The following RASA1 variants were observed in gnomAD, a reference collection of about 807,000 sequenced individuals.
RASA1 encodes the protein RAS p21 protein activator 1, also known as ras GTPase-activating protein 1.
In RASA1, 25 loss-of-function variants were observed where a neutral mutation model predicts 132.2. The observed-to-expected ratio is 0.19, with a 90% confidence interval of 0.14 to 0.26. The LOEUF is 0.26. Ranked by LOEUF, RASA1 falls within the 10% of genes least tolerant of loss-of-function variation. The pLI, the probability that RASA1 is intolerant of heterozygous loss-of-function variation, is 1.00. For synonymous variants in RASA1, 477 were observed against 449.9 expected (o/e 1.06, Z -0.76); for missense variants, 964 against 1,299.2 (o/e 0.74, Z 3.97).
intron 20 of RASA1, 30 bp from the exon 21 acceptor site, chr5:87,383,678 TAAAAA>T: frequency 1.5e-6 from 2 of 1,319,614 alleles, no homozygotes; most frequent in African/African-American, 1.6e-5. Context: ...AGGTGTTTTC[TAAAAA>T]AAAAAAAAAA....
chr5:87,295,543 G>A (rs976739947), intron 1 of RASA1, among the ~76,000 whole-genome samples: 2 of 151,332 alleles, frequency 1.3e-5, no homozygotes, highest in African/African-American at 4.9e-5. Flanking sequence ...TTGAGACACT[G>A]TATCACCCAG....
chr5:87,386,975 G>T, intron 23 of RASA1, 72 bp downstream of exon 23: 1 of 1,331,428 alleles, frequency 7.5e-7, no homozygotes, highest in Non-Finnish European at 1.1e-6. Context: ...CATTTAAGCA[G>T]CAATCTTTAG....
intron 1 of RASA1, among the ~76,000 whole-genome samples, chr5:87,270,260 A>G (rs1180948204): frequency 6.6e-6 from 1 of 150,906 alleles, no homozygotes; most frequent in African/African-American, 2.4e-5. Flanking sequence ...AAAAAAAAGA[A>G]TTTTGACAAC....
chr5:87,390,998 G>GGA lies in RASA1; in HGVS notation c.*115_*116insGA. On this transcript the variant is annotated 3_prime_UTR_variant, in exon 25 of 25. Coordinates refer to ENST00000274376, the MANE Select transcript of RASA1 (RefSeq NM_002890.3). The stretch of plus-strand genomic sequence containing the variant: ...ATAGCACACTTTTCCACATTCCAGT[G>GGA]ATGTGTGAGCTATGCAAACAAAATC... 1 of 1,049,716 alleles carries GGA rather than the reference G, an allele frequency of 9.5e-7. No individual in the cohort carries two copies. The highest frequency in any genetic ancestry group is 1.5e-6 in the Non-Finnish European group (1 of 681,798). The allele number at this position is 1,049,716 out of a possible 1,614,324, so 65.0% of individuals were successfully genotyped here.
intron 9 of RASA1, among the ~76,000 whole-genome samples, chr5:87,360,612 A>G (rs1012283997): frequency 6.6e-6 from 1 of 152,190 alleles, no homozygotes; most frequent in Non-Finnish European, 1.5e-5. Flanking sequence ...GCCCTTTAAT[A>G]TTTGCCCATT....
rs898887371 is a variant in RASA1, at chr5:87,342,921, C to G, written c.1049+1600C>G. 3.9e-5 allele frequency among the ~76,000 whole-genome samples: 6 copies of G among 152,078 alleles called. No individual in the cohort carries two copies. The South Asian group carries it at 6.2e-4, about 16-fold the overall frequency. On this transcript the variant is annotated intron_variant, in intron 6 of 24. Coordinates refer to ENST00000274376, the MANE Select transcript of RASA1 (RefSeq NM_002890.3). Reference sequence around the variant, plus strand: ...AAACATTTAAAGCTACATCAGTTTTCTCATAGTATAAAATATAAATCCCAC... The same window carrying G: ...AAACATTTAAAGCTACATCAGTTTTGTCATAGTATAAAATATAAATCCCAC...
intron 1 of RASA1, among the ~76,000 whole-genome samples, chr5:87,314,841 G>C: frequency 6.6e-6 from 1 of 152,166 alleles, no homozygotes; most frequent in Non-Finnish European, 1.5e-5. Flanking sequence ...GTTGATGGGA[G>C]AGTTAGGAAT....
intron 13 of RASA1, among the ~76,000 whole-genome samples, chr5:87,373,197 A>G (rs3827609): frequency 0.07 from 10,709 of 152,192 alleles, 851 homozygotes; most frequent in African/African-American, 0.2. Flanking sequence ...ATATACTGTC[A>G]GCCCTTTCTA....
At chr5:87,363,195 T>C (rs981559234) in intron 10 of RASA1, among the ~76,000 whole-genome samples, 153 bp from the exon 11 acceptor site, 2 of 152,072 alleles carry the variant, frequency 1.3e-5, no homozygotes, top group Non-Finnish European at 2.9e-5. Context: ...ACAGATTTGT[T>C]ATAGGCATTT....
intron 1 of RASA1, among the ~76,000 whole-genome samples, chr5:87,282,894 AT>A (rs1198663937): frequency 6.6e-6 from 1 of 152,154 alleles, no homozygotes. Context: ...TACAACAGAT[AT>A]TTTGATATAT....
At chr5:87,337,310 TC>T (rs1258123252) in intron 4 of RASA1, among the ~76,000 whole-genome samples, 1 of 152,018 alleles carries the variant, frequency 6.6e-6, no homozygotes, top group Non-Finnish European at 1.5e-5. Flanking sequence ...ATCTCTGTAC[TC>T]TTAAATTGGT....
intron 11 of RASA1, among the ~76,000 whole-genome samples, chr5:87,367,954 A>G (rs1476445761): frequency 6.6e-6 from 1 of 152,110 alleles, no homozygotes; most frequent in Non-Finnish European, 1.5e-5. Flanking sequence ...TGGGAAAACT[A>G]AAATGTACCA....
chr5:87,389,563 T>C, intron 24 of RASA1, 36 bp downstream of exon 24: 1 of 1,609,220 alleles, frequency 6.2e-7, no homozygotes, highest in Non-Finnish European at 8.5e-7. Flanking sequence ...CAATGATGTT[T>C]CAAAGATAAC....
chr5:87,280,624 T>G (rs957949803), intron 1 of RASA1, among the ~76,000 whole-genome samples: 1 of 152,210 alleles, frequency 6.6e-6, no homozygotes, highest in Non-Finnish European at 1.5e-5. Flanking sequence ...GAAAAATCTT[T>G]TCATGTGCTT....
At chr5:87,331,902 A>G (rs976038281) in intron 2 of RASA1, among the ~76,000 whole-genome samples, 1 of 152,168 alleles carries the variant, frequency 6.6e-6, no homozygotes, top group Non-Finnish European at 1.5e-5. Flanking sequence ...CTTCGCAGAC[A>G]TGCACTTCAG....
chr5:87,294,042 C>T (rs1486888144), intron 1 of RASA1: 1 of 151,918 alleles, frequency 6.6e-6, no homozygotes, highest in African/African-American at 2.4e-5. Context: ...TTAATTTACT[C>T]TATTGATTTC....
At chr5:87,366,281 A>C (rs1304002359) in intron 11 of RASA1, 1 of 329,796 alleles carries the variant, frequency 3.0e-6, no homozygotes, top group Non-Finnish European at 6.3e-6. Flanking sequence ...AAGTATTAAG[A>C]TGAATATTGC....
chr5:87,309,757 T>C (rs1755783306), intron 1 of RASA1, among the ~76,000 whole-genome samples: 1 of 152,132 alleles, frequency 6.6e-6, no homozygotes, highest in Non-Finnish European at 1.5e-5. Context: ...TATATCAGTA[T>C]TTTATATATA....
chr5:87,273,910 C>G (rs1329770904), intron 1 of RASA1, among the ~76,000 whole-genome samples: 1 of 152,156 alleles, frequency 6.6e-6, no homozygotes, highest in Admixed American at 6.5e-5. Context: ...GTTGGCCAGG[C>G]TGGTCTCGAA....
Sources: allele counts gnomAD v4.1 joint callset (sites outside exome capture counted in the v4.1 genomes callset), GRCh38; gene constraint gnomAD v4.1.1; transcripts MANE v1.5; gene names NCBI Gene and HGNC (gene_info 2026-07-23, HGNC 2026-07-21).